The following NRG4 variants were observed in gnomAD, a reference collection of about 807,000 sequenced individuals.
The protein encoded by NRG4 is pro-neuregulin-4, membrane-bound isoform.
Under a neutral mutation model 15.0 loss-of-function variants are expected in NRG4, and 10 were observed. The ratio of observed to expected loss-of-function variants is 0.67; its 90% CI spans 0.41 to 1.13. The LOEUF is 1.13. NRG4 is among the 50% of genes most tolerant of loss of function. The probability of loss-of-function intolerance (pLI) is 0.00; values close to 1 mark genes in which losing one functional copy is unlikely to be tolerated. For synonymous variants in NRG4, 41 were observed against 50.1 expected (o/e 0.82, Z 0.77); for missense variants, 139 against 140.2 (o/e 0.99, Z 0.04).
upstream of NRG4, among the ~76,000 whole-genome samples, chr15:76,014,117 G>C (rs9745164): frequency 6.6e-6 from 1 of 151,912 alleles, no homozygotes; most frequent in Non-Finnish European, 1.5e-5. Flanking sequence ...TTTTTCATAC[G>C]TTTGTTGGCC....
intron 3 of NRG4, among the ~76,000 whole-genome samples, chr15:76,008,117 A>G (rs2034673740): frequency 6.6e-6 from 1 of 152,314 alleles, no homozygotes; most frequent in South Asian, 2.1e-4. Context: ...CTTTAAATGA[A>G]TGCAGTTTAT....
rs951787739 is a variant in NRG4, at chr15:75,941,224, C to T, written c.*2414G>A. ...AGTAAGGAAATGCAAATCAAAACCA[C>T]ATTGAGATACCACTTCATACCCACT... On this transcript the variant is annotated 3_prime_UTR_variant, in exon 6 of 6. Coordinates refer to ENST00000394907, the MANE Select transcript of NRG4 (RefSeq NM_138573.4). 13 of 152,142 alleles carry T rather than the reference C, an allele frequency of 8.5e-5. No individual in the cohort carries two copies. Among genetic ancestry groups the T allele is most frequent in the Admixed American group, 2.0e-4 (3 of 15,278 alleles). 9.4% of individuals were successfully genotyped at this position (152,142 alleles called of 1,614,324 possible). A position where few individuals can be genotyped will look rare whatever the true frequency, so the allele number is the denominator to read the frequency against.
At chr15:75,984,854 T>C (rs1207917256) in intron 3 of NRG4, among the ~76,000 whole-genome samples, 3 of 152,166 alleles carry the variant, frequency 2.0e-5, no homozygotes. Flanking sequence ...TTTTGTTTTG[T>C]TTTGTCTTGA....
chr15:75,992,905 G>C (rs1489894116), intron 3 of NRG4, among the ~76,000 whole-genome samples: 3 of 150,814 alleles, frequency 2.0e-5, no homozygotes, highest in Non-Finnish European at 4.4e-5. Context: ...ACATTCATGA[G>C]TTGATGGACA....
chr15:75,960,739 G>A (rs1369575709), intron 4 of NRG4, among the ~76,000 whole-genome samples: 1 of 152,128 alleles, frequency 6.6e-6, no homozygotes, highest in African/African-American at 2.4e-5. Context: ...TGGATGAGTG[G>A]CAAGGTCACA....
chr15:75,990,671 G>GTT (rs374504639), intron 3 of NRG4, among the ~76,000 whole-genome samples: 3,980 of 130,444 alleles, frequency 0.031, 92 homozygotes, highest in Middle Eastern at 0.042. Flanking sequence ...GTTGGTAATT[G>GTT]TTTTTTTTTT....
Position 75,943,467 on chromosome 15 carries a change from TACA to T in NRG4, c.*168_*170del, listed in dbSNP as rs2031199750. 5.1e-6 allele frequency: 3 copies of T among 593,920 alleles called. No homozygotes were observed. The Admixed American group carries it at 9.4e-5, about 19-fold the overall frequency. 36.8% of individuals were successfully genotyped at this position (593,920 alleles called of 1,614,324 possible). On this transcript the variant is annotated 3_prime_UTR_variant, in exon 6 of 6. Transcript: ENST00000394907. ...CAGTTGCCGATGGACTGATGCACAT[TACA>T]GAAGCACACACACCTTGCAGCAGAA... is the stretch of plus-strand genomic sequence containing the variant.
upstream of NRG4, among the ~76,000 whole-genome samples, chr15:76,016,925 T>C (rs982170120): frequency 3.3e-5 from 5 of 152,182 alleles, no homozygotes; most frequent in South Asian, 6.2e-4. Context: ...AACAGTGGGG[T>C]GTTAAAGTTT....
intron 3 of NRG4, among the ~76,000 whole-genome samples, chr15:75,968,352 C>G (rs1372588421): frequency 6.6e-6 from 1 of 152,048 alleles, no homozygotes; most frequent in Non-Finnish European, 1.5e-5. Context: ...CTTTGGGAGG[C>G]TGAGGTGGGC....
At chr15:76,018,794 G>C (rs2035064539) in intron 5 of NRG4, among the ~76,000 whole-genome samples, 1 of 152,194 alleles carries the variant, frequency 6.6e-6, no homozygotes, top group South Asian at 2.1e-4. Context: ...TCCCCGTCAG[G>C]AGACACAGGG....
At chr15:76,054,539 T>G (rs2036105877) in intron 2 of NRG4, among the ~76,000 whole-genome samples, 1 of 152,144 alleles carries the variant, frequency 6.6e-6, no homozygotes, top group Non-Finnish European at 1.5e-5. Context: ...CTCAGCCTCC[T>G]AAGTAGCTGG....
At chr15:76,034,313 G>T (rs2035548132) in intron 5 of NRG4, among the ~76,000 whole-genome samples, 1 of 152,174 alleles carries the variant, frequency 6.6e-6, no homozygotes, top group Admixed American at 6.5e-5. Context: ...ATTGTCAACA[G>T]CCCACAATCC....
intron 3 of NRG4, chr15:76,005,679 GAAA>G (rs776504828): frequency 5.4e-3 from 818 of 150,940 alleles, no homozygotes; most frequent in East Asian, 7.3e-3. Context: ...CTCTGTCTCA[GAAA>G]AAAAAAAAAA....
intron 3 of NRG4, among the ~76,000 whole-genome samples, chr15:75,995,383 G>A (rs1239059782): frequency 6.6e-6 from 1 of 151,926 alleles, no homozygotes; most frequent in African/African-American, 2.4e-5. Context: ...AGAGAAAAGG[G>A]GAAGACCACA....
At chr15:75,946,880 G>C (rs536936678) in intron 5 of NRG4, among the ~76,000 whole-genome samples, 26 of 152,290 alleles carry the variant, frequency 1.7e-4, no homozygotes, top group Admixed American at 1.2e-3. Flanking sequence ...GCATGTTTCA[G>C]AATTTCATTC....
intron 5 of NRG4, among the ~76,000 whole-genome samples, chr15:75,948,894 T>G (rs1425436492): frequency 1.3e-5 from 2 of 151,600 alleles, no homozygotes; most frequent in Admixed American, 1.3e-4. Flanking sequence ...ACAAAAAAAA[T>G]GTAAAAATTA....
chr15:76,060,094 G>C (rs1333459331), upstream of NRG4: 2 of 146,814 alleles, frequency 1.4e-5, no homozygotes, highest in Non-Finnish European at 3.0e-5. Flanking sequence ...GGCGGGGGGT[G>C]GGGGGACCGG....
At chr15:76,044,840 C>CAAAAAAAAAAAAA (rs35017424) in intron 4 of NRG4, among the ~76,000 whole-genome samples, 1 of 62,504 alleles carries the variant, frequency 1.6e-5, no homozygotes, top group African/African-American at 5.7e-5. Flanking sequence ...GACTCTGTCT[C>CAAAAAAAAAAAAA]AAAAAAAAAA....
At chr15:75,949,611 A>T (rs183049115) in intron 5 of NRG4, among the ~76,000 whole-genome samples, 21 of 152,200 alleles carry the variant, frequency 1.4e-4, no homozygotes, top group African/African-American at 4.8e-4. Context: ...AATTTATGAA[A>T]TTTTTTCTTT....
Sources: gnomAD v4.1 joint callset for allele counts (sites outside exome capture counted in the v4.1 genomes callset) on GRCh38, gnomAD v4.1.1 for gene constraint, MANE v1.5 for transcripts, NCBI Gene and HGNC (gene_info 2026-07-23, HGNC 2026-07-21) for gene names.